Variants in PTGR1 observed in about 807,000 individuals in gnomAD.
PTGR1 encodes prostaglandin reductase 1.
Under a neutral mutation model 37.7 loss-of-function variants are expected in PTGR1, and 23 were observed. The observed-to-expected ratio is 0.61, with a 90% confidence interval of 0.44 to 0.86. The LOEUF is 0.86. Among genes scored for constraint, PTGR1 ranks in the 40% least tolerant of loss-of-function variants. The pLI, the probability that PTGR1 is intolerant of heterozygous loss-of-function variation, is 0.00. For missense variants in PTGR1, 351 were observed against 394.3 expected, an observed-to-expected ratio of 0.89 and a Z score of 0.93; for synonymous variants, 134 against 140.0, an observed-to-expected ratio of 0.96 and a Z score of 0.30.
chr9:111,565,871 A>G (rs1419217246), intron 9 of PTGR1, among the ~76,000 whole-genome samples: 1 of 152,088 alleles, frequency 6.6e-6, no homozygotes, highest in East Asian at 1.9e-4. Context: ...ATAGGGAATG[A>G]GATTAAAAAG....
At chr9:111,585,898 T>C in intron 5 of PTGR1, 100 bp downstream of exon 5, 7 of 1,356,274 alleles carry the variant, frequency 5.2e-6, no homozygotes, top group Admixed American at 1.9e-5. Flanking sequence ...GAGCCTATCA[T>C]GCATCAAATA....
chr9:111,586,613 C>T (rs1829435364), intron 4 of PTGR1, among the ~76,000 whole-genome samples: 1 of 152,154 alleles, frequency 6.6e-6, no homozygotes, highest in Admixed American at 6.6e-5. Context: ...CCTCCCCTAG[C>T]TCCTTGCCCC....
chr9:111,599,376 T>G (rs1488546730), intron 1 of PTGR1: 1 of 152,378 alleles, frequency 6.6e-6, no homozygotes, highest in Admixed American at 6.5e-5. Flanking sequence ...TCCTATTCCC[T>G]CCGGCGCGCG....
chr9:111,579,999 T>C (rs905037961), intron 6 of PTGR1, among the ~76,000 whole-genome samples: 6 of 152,168 alleles, frequency 3.9e-5, no homozygotes, highest in Non-Finnish European at 8.8e-5. Flanking sequence ...TCTGTACAAA[T>C]AGTGACGGCC....
intron 6 of PTGR1, among the ~76,000 whole-genome samples, chr9:111,581,042 C>T (rs1829266731): frequency 6.6e-6 from 1 of 152,162 alleles, no homozygotes; most frequent in South Asian, 2.1e-4. Flanking sequence ...TCAAGTTTCT[C>T]AGTGAAATTC....
chr9:111,594,838 C>T (rs965407010), intron 2 of PTGR1, among the ~76,000 whole-genome samples: 2 of 146,952 alleles, frequency 1.4e-5, no homozygotes, highest in African/African-American at 5.0e-5. Flanking sequence ...GCGTGAGCCA[C>T]TGCGACCGGC....
intron 9 of PTGR1, among the ~76,000 whole-genome samples, chr9:111,552,442 G>C (rs976001092): frequency 1.7e-4 from 26 of 152,162 alleles, no homozygotes; most frequent in African/African-American, 5.8e-4. Context: ...CAATAGAATA[G>C]AGCAATGAGG....
At chr9:111,576,677 CAT>C in intron 7 of PTGR1, 1 of 371,704 alleles carries the variant, frequency 2.7e-6, no homozygotes, top group African/African-American at 2.1e-5. Context: ...TATGTGCAAA[CAT>C]GTACATATTT....
intron 9 of PTGR1, among the ~76,000 whole-genome samples, chr9:111,568,749 CTCTT>C (rs1388172849): frequency 6.6e-6 from 1 of 152,312 alleles, no homozygotes; most frequent in East Asian, 1.9e-4. Context: ...TGTACTCTTT[CTCTT>C]TATTTCTCAG....
downstream of PTGR1, among the ~76,000 whole-genome samples, chr9:111,560,771 A>C (rs1034021557): frequency 4.1e-5 from 6 of 147,278 alleles, no homozygotes; most frequent in African/African-American, 1.3e-4. Context: ...GTGAAACCCT[A>C]TCTCTACTAA....
chr9:111,585,856 C>G (rs961304388), intron 5 of PTGR1, 142 bp downstream of exon 5: 1 of 897,688 alleles, frequency 1.1e-6, no homozygotes, highest in African/African-American at 1.7e-5. Flanking sequence ...GATCTGCCAT[C>G]TTGGTCCTGC....
intron 9 of PTGR1, among the ~76,000 whole-genome samples, chr9:111,551,389 A>G (rs989253265): frequency 4.1e-5 from 6 of 144,632 alleles, no homozygotes; most frequent in African/African-American, 1.5e-4. Flanking sequence ...TGAATCAAGT[A>G]TCCAGTTTTT....
intron 1 of PTGR1, among the ~76,000 whole-genome samples, chr9:111,597,994 GTT>G (rs34861111): frequency 0.38 from 54,957 of 146,504 alleles, 10,717 homozygotes; most frequent in African/African-American, 0.5. Context: ...TTTCAGGTGC[GTT>G]TTTTTTTTTT....
intron 5 of PTGR1, among the ~76,000 whole-genome samples, chr9:111,583,980 C>T (rs1451830348): frequency 6.6e-6 from 1 of 152,090 alleles, no homozygotes; most frequent in South Asian, 2.1e-4. Context: ...GTTATCATGG[C>T]GACATAGCCA....
downstream of PTGR1, among the ~76,000 whole-genome samples, chr9:111,560,491 A>G (rs1828243700): frequency 7.9e-6 from 1 of 126,550 alleles, no homozygotes; most frequent in Non-Finnish European, 1.8e-5. Flanking sequence ...AAAAAAAAAG[A>G]TCAGCCGGGC....
chr9:111,563,011 T>C lies in PTGR1; in HGVS notation c.*110A>G. The C allele has an allele frequency of 6.8e-7, 1 of 1,465,490 alleles. No individual in the cohort carries two copies. The highest frequency in any genetic ancestry group is 9.0e-7 in the Non-Finnish European group (1 of 1,110,174). The allele number at this position is 1,465,490 out of a possible 1,614,324, so 90.8% of individuals were successfully genotyped here. ...ATTTTATTAAGTAGCTCAAACTCAT[T>C]ATGAGTACTATTTCTTAAGACATTT... On this transcript the variant is annotated 3_prime_UTR_variant, in exon 10 of 10. Transcript: ENST00000407693.
chr9:111,592,470 A>C lies in PTGR1; in HGVS notation c.209+456T>G, dbSNP rs78304663. 1,483 of 156,534 alleles carry C rather than the reference A, an allele frequency of 9.5e-3. 92 individuals carry two copies. Among genetic ancestry groups the C allele is most frequent in the Admixed American group, 0.065 (1,050 of 16,104 alleles). The allele number at this position is 156,534 out of a possible 1,614,324, so 9.7% of individuals were successfully genotyped here. On this transcript the variant is annotated intron_variant, in intron 4 of 9. Transcript: ENST00000407693. ...CCCTCACTAACCTACCCCCGCCCTCACTAAACTTAATAATAAATGCGGGTA... is the reference window on the plus strand; with the variant it reads ...CCCTCACTAACCTACCCCCGCCCTCCCTAAACTTAATAATAAATGCGGGTA...
chr9:111,551,488 A>C (rs1589281879), intron 9 of PTGR1, among the ~76,000 whole-genome samples: 1 of 134,312 alleles, frequency 7.4e-6, no homozygotes, highest in African/African-American at 2.9e-5. Flanking sequence ...GTCCACTGCA[A>C]CCTCCGCCTC....
intron 4 of PTGR1, among the ~76,000 whole-genome samples, chr9:111,591,200 A>T (rs1045043463): frequency 7.9e-5 from 12 of 151,410 alleles, no homozygotes; most frequent in Non-Finnish European, 1.6e-4. Context: ...CTGAGGCAGG[A>T]GAATCAGAAT....
Sources: gnomAD v4.1 joint callset for allele counts (sites outside exome capture counted in the v4.1 genomes callset) on GRCh38, gnomAD v4.1.1 for gene constraint, MANE v1.5 for transcripts, NCBI Gene and HGNC (gene_info 2026-07-23, HGNC 2026-07-21) for gene names.